The following TMEM63A variants were observed in gnomAD, a reference collection of about 807,000 sequenced individuals.
TMEM63A encodes the protein transmembrane protein 63A, also known as mechanosensitive cation channel TMEM63A.
In TMEM63A, 76 loss-of-function variants were observed where a neutral mutation model predicts 100.6. The observed-to-expected ratio is 0.76, with a 90% confidence interval of 0.63 to 0.91. TMEM63A has a LOEUF of 0.91. TMEM63A is among the 40% of genes least tolerant of loss of function. TMEM63A has a pLI of 0.00. For synonymous variants in TMEM63A, 401 were observed against 401.1 expected (o/e 1.00, Z 0.00); for missense variants, 876 against 1,008.8 (o/e 0.87, Z 1.78).
chr1:225,869,301 A>G (rs914187492), intron 6 of TMEM63A, among the ~76,000 whole-genome samples: 1 of 152,242 alleles, frequency 6.6e-6, no homozygotes, highest in African/African-American at 2.4e-5. Flanking sequence ...GCCTGTTCAT[A>G]TGAGTCCTGA....
intron 6 of TMEM63A, among the ~76,000 whole-genome samples, chr1:225,869,241 G>T (rs1218339240): frequency 1.3e-5 from 2 of 152,208 alleles, no homozygotes; most frequent in Non-Finnish European, 2.9e-5. Flanking sequence ...GAGATAATAA[G>T]CATCAAACAC....
Position 225,845,842 on chromosome 1 carries a change from AGGCCAGC to A in TMEM63A, c.*1090_*1096del. ...AGGCCCAGATAAGCCCAGGCCCCCC[AGGCCAGC>A]GGACAGGCACAGGCAGGGCCTACAG... is the stretch of plus-strand genomic sequence containing the variant. On this transcript the variant is annotated 3_prime_UTR_variant, in exon 25 of 25. Coordinates refer to ENST00000366835, the MANE Select transcript of TMEM63A (RefSeq NM_014698.3). 4.5e-6 allele frequency: 1 copy of A among 221,806 alleles called. No individual in the cohort carries two copies. Among genetic ancestry groups the A allele is most frequent in the South Asian group, 7.1e-5 (1 of 14,086 alleles). The allele number at this position is 221,806 out of a possible 1,614,324, so 13.7% of individuals were successfully genotyped here.
chr1:225,873,068 TAACTTTAA>T (rs1450136764), intron 4 of TMEM63A, among the ~76,000 whole-genome samples: 2 of 152,086 alleles, frequency 1.3e-5, no homozygotes, highest in Non-Finnish European at 2.9e-5. Flanking sequence ...TGACGAAACT[TAACTTTAA>T]AAGCCTTTGC....
In TMEM63A at chr1:225,847,177, C is replaced by T. The variant is rs1312967279; in HGVS notation, c.2287G>A (p.Glu763Lys). ...VPRILNGLAS[E>K]RTALSPQQQQ... ...TGCTGCGGAGACAGTGCTGTCCTCTCCGAGGCCAAGCCGTTCAGAATCCGA... is the reference window on the plus strand; with the variant it reads ...TGCTGCGGAGACAGTGCTGTCCTCTTCGAGGCCAAGCCGTTCAGAATCCGA... Residue 763 changes from glutamate to lysine, a missense_variant, in exon 24 of 25, where the codon GAG (glutamate) becomes AAG (lysine). Glu to Lys is a moderately conservative substitution (Grantham distance 56). This residue lies in a region of TMEM63A where 339 missense variants were observed against 342.3 expected (regional missense o/e 0.99). Coordinates refer to ENST00000366835, the MANE Select transcript of TMEM63A (RefSeq NM_014698.3). 4.3e-6 allele frequency: 7 copies of T among 1,613,242 alleles called. No individual in the cohort carries two copies. The highest frequency in any genetic ancestry group is 5.9e-6 in the Non-Finnish European group (7 of 1,180,012).
At chr1:225,878,885 TACACACACACACAC>T (rs55792328) in intron 2 of TMEM63A, among the ~76,000 whole-genome samples, 8,635 of 139,582 alleles carry the variant, frequency 0.062, 355 homozygotes, top group Middle Eastern at 0.17. Flanking sequence ...CCTACCTACC[TACACACACACACAC>T]ACACACACAC....
rs748261411 is a variant in TMEM63A at position 225,856,667 on chromosome 1, G to A, written c.1556C>T (p.Ser519Phe). The A allele has an allele frequency of 1.1e-5, 17 of 1,613,654 alleles. No homozygotes were observed. The highest frequency in any genetic ancestry group is 1.3e-5 in the Non-Finnish European group (15 of 1,179,884). The change falls in exon 17 of 25, where the codon TCC becomes TTC. Residue 519 changes from serine (S) to phenylalanine (F), a missense_variant. Physicochemically the swap from Ser to Phe is radical, Grantham distance 155 (BLOSUM62 -2). This residue lies in a region of TMEM63A where 487 missense variants were observed against 581.9 expected (regional missense o/e 0.84). Transcript: ENST00000366835. ...TGGCATATACCTGGTGAGACCCAGGGAGGGCAGGATCAGCACCATGAAGAT... is the reference window on the plus strand; with the variant it reads ...TGGCATATACCTGGTGAGACCCAGGAAGGGCAGGATCAGCACCATGAAGAT... ...FLIFMVLILP[S>F]LGLTSLDFFF...
chr1:225,842,782 G>T (rs1262774398), downstream of TMEM63A, among the ~76,000 whole-genome samples: 2 of 152,216 alleles, frequency 1.3e-5, no homozygotes, highest in African/African-American at 4.8e-5. Flanking sequence ...CCACATTATT[G>T]TCAAGAGCAC....
At position 225,848,510 on chromosome 1, in the gene TMEM63A, G is replaced by A; in HGVS notation, c.2232C>T (p.His744=). ...ASDKGSEAEA[H]MPPPFTPYVP... is the part of the protein sequence containing the mutation. ...AGCTTACTGTGAACGGTGGGGGCAT[G>A]TGGGCCTCTGCCTCACTTCCTTTGT... The change falls in exon 23 of 25, where the codon CAC becomes CAT. Residue 744 remains histidine (H), a synonymous_variant. Transcript: ENST00000366835. 6.2e-7 allele frequency: 1 copy of A among 1,614,186 alleles called. No homozygotes were observed. Among genetic ancestry groups the A allele is most frequent in the Non-Finnish European group, 8.5e-7 (1 of 1,180,046 alleles).
chr1:225,878,885 T>TAC (rs55792328), intron 2 of TMEM63A, among the ~76,000 whole-genome samples: 26,499 of 139,246 alleles, frequency 0.19, 2,815 homozygotes, highest in East Asian at 0.33. Flanking sequence ...CCTACCTACC[T>TAC]ACACACACAC....
Position 225,855,868 on chromosome 1 carries a change from C to G in TMEM63A, c.1634+10G>C. On this transcript the variant is annotated intron_variant, in intron 18 of 24. Coordinates refer to ENST00000366835, the MANE Select transcript of TMEM63A (RefSeq NM_014698.3). The stretch of plus-strand genomic sequence containing the variant: ...GCCATGGCTCCAGAACTCAACTTGG[C>G]AATACTCACTCCAACCTGATGGAGG... 6.2e-7 allele frequency: 1 copy of G among 1,613,788 alleles called. No homozygotes were observed. Among genetic ancestry groups the G allele is most frequent in the Non-Finnish European group, 8.5e-7 (1 of 1,179,892 alleles).
intron 18 of TMEM63A, among the ~76,000 whole-genome samples, chr1:225,854,741 A>T (rs1227005183): frequency 6.6e-6 from 1 of 152,184 alleles, no homozygotes; most frequent in Admixed American, 6.5e-5. Flanking sequence ...AAGTTAATTC[A>T]GGAGCAGTAT....
At position 225,880,552 on chromosome 1, in the gene TMEM63A, T is replaced by A. The variant is rs115532271; in HGVS notation, c.-205-1142A>T. Among the ~76,000 whole-genome samples the A allele has an allele frequency of 5.9e-3, 902 of 152,212 alleles. 4 individuals carry two copies. Among genetic ancestry groups the A allele is most frequent in the South Asian group, 0.012 (59 of 4,826 alleles). Reference sequence around the variant, plus strand: ...GAGAACCCCTGGCAATATTCAGTCATCCTAGATGTATGTGAATGCCTAGCA... The same window carrying A: ...GAGAACCCCTGGCAATATTCAGTCAACCTAGATGTATGTGAATGCCTAGCA... On this transcript the variant is annotated intron_variant, in intron 1 of 24. Transcript: ENST00000366835.
intron 2 of TMEM63A, among the ~76,000 whole-genome samples, chr1:225,878,880 C>A (rs1391395642): frequency 8.3e-5 from 8 of 95,958 alleles, no homozygotes; most frequent in African/African-American, 3.5e-4. Flanking sequence ...ACCTACCTAC[C>A]TACCTACACA....
chr1:225,855,859 T>G lies in TMEM63A; in HGVS notation c.1634+19A>C. The G allele has an allele frequency of 1.9e-6, 3 of 1,613,210 alleles. No individual in the cohort carries two copies. The highest frequency in any genetic ancestry group is 1.6e-4 in the Middle Eastern group (1 of 6,062). ...TCACCCAGGGCCATGGCTCCAGAACTCAACTTGGCAATACTCACTCCAACC... is the reference window on the plus strand; with the variant it reads ...TCACCCAGGGCCATGGCTCCAGAACGCAACTTGGCAATACTCACTCCAACC... On this transcript the variant is annotated intron_variant, in intron 18 of 24. Coordinates refer to ENST00000366835, the MANE Select transcript of TMEM63A (RefSeq NM_014698.3).
chr1:225,848,871 C>A, intron 22 of TMEM63A, 26 bp downstream of exon 22: 3 of 1,537,588 alleles, frequency 2.0e-6, no homozygotes, highest in South Asian at 1.2e-5. Flanking sequence ...AGGGCTTGAC[C>A]GGGCAGTGGG....
chr1:225,867,970 C>T lies in TMEM63A; in HGVS notation c.432G>A (p.Arg144=). ...EDAIHYLSFQ[R]HIIFLLVVVS... ...CCACCACCAACAGGAAGATGATGTG[C>T]CTCTGGAAGGACAGGTAGTGGATGG... Residue 144 remains arginine (R), a synonymous_variant, in exon 7 of 25, where the codon AGG becomes AGA. Coordinates refer to ENST00000366835, the MANE Select transcript of TMEM63A (RefSeq NM_014698.3). This position sits in a 1 kb window ranked among gnomAD's most constrained non-coding sequence, Gnocchi z 4.6. The T allele has an allele frequency of 1.2e-6, 2 of 1,614,164 alleles. No individual in the cohort carries two copies. Among genetic ancestry groups the T allele is most frequent in the Non-Finnish European group, 1.7e-6 (2 of 1,180,028 alleles).
In TMEM63A at chr1:225,852,671, C is replaced by T. The variant is rs770289236; in HGVS notation, c.1896G>A (p.Ala632=). 10 of 1,612,784 alleles carry T rather than the reference C, an allele frequency of 6.2e-6. No individual in the cohort carries two copies. Among genetic ancestry groups the T allele is most frequent in the Admixed American group, 3.3e-5 (2 of 60,016 alleles). The part of the protein sequence containing the change: ...VAYSITCPII[A]PFGLIYILLK... ...GGCTCCAGGGCCACTCACCAAATGGCGCGATGATGGGACAAGTGATGCTGT... is the reference window on the plus strand; with the variant it reads ...GGCTCCAGGGCCACTCACCAAATGGTGCGATGATGGGACAAGTGATGCTGT... Residue 632 remains alanine, a synonymous_variant, in exon 20 of 25, where the codon GCG becomes GCA. Transcript: ENST00000366835.
rs772606261 is a variant in TMEM63A at position 225,856,934 on chromosome 1, TGTAGA to T, written c.1456_1460del (p.Ser486ThrfsTer47). ...ACTTGGTCCAGTGAGACTCCAGCAG[TGTAGA>T]GTAGTAGACAATGGAGGGGAGCAGG... is the stretch of plus-strand genomic sequence containing the variant. On this transcript the variant is annotated frameshift_variant, in exon 16 of 25. Transcript: ENST00000366835. LOFTEE classifies it high-confidence loss of function. The T allele has an allele frequency of 3.1e-6, 5 of 1,608,562 alleles. No homozygotes were observed. The highest frequency in any genetic ancestry group is 4.2e-6 in the Non-Finnish European group (5 of 1,178,540).
chr1:225,868,951 G>C (rs557274463), intron 6 of TMEM63A, among the ~76,000 whole-genome samples: 1 of 152,216 alleles, frequency 6.6e-6, no homozygotes, highest in Non-Finnish European at 1.5e-5. Context: ...AGACTTCTGT[G>C]CTACAGAGGG....
Sources: allele counts gnomAD v4.1 joint callset (sites outside exome capture counted in the v4.1 genomes callset), GRCh38; gene constraint gnomAD v4.1.1; regional missense constraint gnomAD v4.1.1; non-coding constraint Gnocchi (gnomAD v3.1); transcripts MANE v1.5; gene names NCBI Gene and HGNC (gene_info 2026-07-23, HGNC 2026-07-21).